The following TAFA1 variants were observed in gnomAD, a reference collection of about 807,000 sequenced individuals.
TAFA1 encodes chemokine-like protein TAFA-1.
In TAFA1, 4 loss-of-function variants were observed where a neutral mutation model predicts 18.5. That is an observed-to-expected ratio of 0.22 (90% CI 0.11 to 0.49). The LOEUF is 0.49. TAFA1 is among the 20% of genes least tolerant of loss of function. The pLI is 0.98. For missense variants in TAFA1, 147 were observed against 169.0 expected (o/e 0.87, Z 0.72); for synonymous variants, 56 against 55.2 (o/e 1.01, Z -0.06).
At chr3:68,034,370 C>T (rs935076834) in intron 2 of TAFA1, among the ~76,000 whole-genome samples, 2 of 152,136 alleles carry the variant, frequency 1.3e-5, no homozygotes, top group African/African-American at 4.8e-5. Context: ...TGATCCTCAC[C>T]ATAAACCTAT....
At chr3:68,287,745 C>T (rs115994329) in intron 2 of TAFA1, among the ~76,000 whole-genome samples, 2,655 of 152,246 alleles carry the variant, frequency 0.017, 31 homozygotes, top group Admixed American at 0.03. Context: ...ACTATATAAA[C>T]TTCCAATTAG....
chr3:68,506,535 A>G (rs2106719622), intron 3 of TAFA1, among the ~76,000 whole-genome samples: 1 of 152,124 alleles, frequency 6.6e-6, no homozygotes, highest in African/African-American at 2.4e-5. Flanking sequence ...TGTTACCAGG[A>G]TCTGAAAGCT....
At chr3:68,503,341 T>C (rs1204515921) in intron 3 of TAFA1, among the ~76,000 whole-genome samples, 1 of 152,184 alleles carries the variant, frequency 6.6e-6, no homozygotes, top group Non-Finnish European at 1.5e-5. Flanking sequence ...GTAACACTTC[T>C]TGTCACAAGC....
At chr3:68,402,273 G>A (rs1368501947) in intron 2 of TAFA1, among the ~76,000 whole-genome samples, 1 of 152,204 alleles carries the variant, frequency 6.6e-6, no homozygotes, top group Non-Finnish European at 1.5e-5. Context: ...CATGCCTGGA[G>A]AGGGTCTGTT....
At chr3:68,388,592 A>T (rs1409763622) in intron 2 of TAFA1, among the ~76,000 whole-genome samples, 1 of 151,672 alleles carries the variant, frequency 6.6e-6, no homozygotes, top group Non-Finnish European at 1.5e-5. Flanking sequence ...CATCCTTTTT[A>T]TTTGCTTTTC....
intron 2 of TAFA1, among the ~76,000 whole-genome samples, chr3:68,334,771 T>C (rs1575785353): frequency 6.6e-6 from 1 of 152,136 alleles, no homozygotes; most frequent in South Asian, 2.1e-4. Flanking sequence ...GACACATTGA[T>C]ATGGGTTCCT....
chr3:68,158,539 C>T (rs1464408329), intron 2 of TAFA1, among the ~76,000 whole-genome samples: 1 of 151,142 alleles, frequency 6.6e-6, no homozygotes, highest in Admixed American at 6.7e-5. Context: ...TCTCATCAAT[C>T]AAAAAGTCTT....
chr3:68,332,659 A>G (rs965497200), intron 2 of TAFA1, among the ~76,000 whole-genome samples: 3 of 152,218 alleles, frequency 2.0e-5, no homozygotes, highest in Non-Finnish European at 2.9e-5. Context: ...ACCAACAGGT[A>G]TGTGGAAAGG....
At chr3:68,021,184 TCAAAAAAAA>T (rs1559705240) in intron 2 of TAFA1, among the ~76,000 whole-genome samples, 1 of 1,980 alleles carries the variant, frequency 5.1e-4, no homozygotes, top group East Asian at 9.1e-3. Flanking sequence ...AGACCCTGTC[TCAAAAAAAA>T]AAAAAAAAAA....
At chr3:68,467,616 A>G (rs2071914018) in intron 3 of TAFA1, among the ~76,000 whole-genome samples, 1 of 152,218 alleles carries the variant, frequency 6.6e-6, no homozygotes, top group South Asian at 2.1e-4. Flanking sequence ...AGGTCAGCAG[A>G]TAGAAAATTA....
chr3:68,211,852 T>C (rs1489060351), intron 2 of TAFA1, among the ~76,000 whole-genome samples: 1 of 152,030 alleles, frequency 6.6e-6, no homozygotes, highest in Non-Finnish European at 1.5e-5. Flanking sequence ...CTGGCCATTG[T>C]TCACAGTGAC....
At chr3:68,275,919 G>C (rs1406682537) in intron 2 of TAFA1, among the ~76,000 whole-genome samples, 1 of 152,032 alleles carries the variant, frequency 6.6e-6, no homozygotes, top group African/African-American at 2.4e-5. Flanking sequence ...GGCTTTCTCT[G>C]TTTCACTAGA....
At chr3:68,298,265 G>T (rs1196827769) in intron 2 of TAFA1, among the ~76,000 whole-genome samples, 1 of 152,126 alleles carries the variant, frequency 6.6e-6, no homozygotes, top group Non-Finnish European at 1.5e-5. Context: ...TTTGAACTAG[G>T]GATCCAACAT....
intron 2 of TAFA1, among the ~76,000 whole-genome samples, chr3:68,081,647 A>T (rs1211123970): frequency 6.6e-6 from 1 of 152,178 alleles, no homozygotes; most frequent in Non-Finnish European, 1.5e-5. Context: ...TCAGGGACCC[A>T]TTTGAGGAGG....
intron 2 of TAFA1, among the ~76,000 whole-genome samples, chr3:68,392,741 C>T (rs934780570): frequency 6.6e-6 from 1 of 152,148 alleles, no homozygotes; most frequent in African/African-American, 2.4e-5. Context: ...ACTGAACAAC[C>T]TGCTCCTGAA....
intron 3 of TAFA1, among the ~76,000 whole-genome samples, chr3:68,480,634 T>C (rs2072216024): frequency 1.3e-5 from 2 of 152,128 alleles, no homozygotes; most frequent in Non-Finnish European, 1.5e-5. Context: ...GTTTCCTTCT[T>C]TTTAGATTAT....
At chr3:68,462,295 GA>G (rs2071799148) in intron 3 of TAFA1, among the ~76,000 whole-genome samples, 1 of 152,128 alleles carries the variant, frequency 6.6e-6, no homozygotes, top group African/African-American at 2.4e-5. Context: ...CATGGCGCGG[GA>G]TGGACCTGGT....
chr3:68,433,992 A>G (rs1392903284), intron 3 of TAFA1, among the ~76,000 whole-genome samples: 1 of 152,114 alleles, frequency 6.6e-6, no homozygotes, highest in Non-Finnish European at 1.5e-5. Context: ...TGAGTGTATC[A>G]CAGACTCAAT....
At chr3:68,363,150 C>T (rs577253848) in intron 2 of TAFA1, among the ~76,000 whole-genome samples, 5 of 152,154 alleles carry the variant, frequency 3.3e-5, no homozygotes, top group Non-Finnish European at 7.4e-5. Context: ...CATGTTATTA[C>T]AAAGCCTGAG....
Sources: allele counts gnomAD v4.1 joint callset (sites outside exome capture counted in the v4.1 genomes callset), GRCh38; gene constraint gnomAD v4.1.1; transcripts MANE v1.5; gene names NCBI Gene and HGNC (gene_info 2026-07-23, HGNC 2026-07-21).